MACROD2: variants seen among roughly 807,000 people sequenced by gnomAD.
MACROD2 encodes the protein ADP-ribose glycohydrolase MACROD2.
MACROD2 carries 36 observed loss-of-function variants against 70.4 expected under a neutral mutation model. That is an observed-to-expected ratio of 0.51 (90% confidence interval 0.39 to 0.68). MACROD2 has a LOEUF of 0.68. Ranked by LOEUF, MACROD2 falls within the 30% of genes least tolerant of loss-of-function variation. The pLI, the probability that MACROD2 is intolerant of heterozygous loss-of-function variation, is 0.00. For missense variants in MACROD2, 496 were observed against 538.4 expected (o/e 0.92, Z 0.78); for synonymous variants, 172 against 178.8 (o/e 0.96, Z 0.30).
At chr20:15,738,150 T>C (rs2051052442) in intron 8 of MACROD2, among the ~76,000 whole-genome samples, 1 of 152,200 alleles carries the variant, frequency 6.6e-6, no homozygotes, top group South Asian at 2.1e-4. Flanking sequence ...AGGGTGACTA[T>C]AGTCAATAAT....
rs1305831222 is a variant in MACROD2, at chr20:15,492,053, C to A, written c.572-7721C>A. On this transcript the variant is annotated intron_variant, in intron 7 of 17. Coordinates refer to ENST00000684519, the MANE Select transcript of MACROD2 (RefSeq NM_001351661.2). ...TGCTCCTGGGCGAAGCCAGTGACAC[C>A]TTTTTAGCATTCTGCTGCTGTGCTC... Among the ~76,000 whole-genome samples, 3 of 152,310 alleles carry A rather than the reference C, an allele frequency of 2.0e-5. No homozygotes were observed. The East Asian group carries it at 5.8e-4, about 29-fold the overall frequency.
intron 4 of MACROD2, among the ~76,000 whole-genome samples, chr20:14,516,712 G>A (rs1025199407): frequency 3.3e-5 from 5 of 152,068 alleles, no homozygotes; most frequent in Admixed American, 6.6e-5. Flanking sequence ...TGGCCTTGTA[G>A]TATAGTTTGA....
At chr20:14,105,923 A>C (rs1041344291) in intron 3 of MACROD2, among the ~76,000 whole-genome samples, 3 of 152,216 alleles carry the variant, frequency 2.0e-5, no homozygotes, top group African/African-American at 7.2e-5. Context: ...GGCAGGATTC[A>C]TCACCTGTTG....
intron 7 of MACROD2, among the ~76,000 whole-genome samples, chr20:15,477,201 AG>A (rs2047034765): frequency 6.6e-6 from 1 of 150,604 alleles, no homozygotes; most frequent in Non-Finnish European, 1.5e-5. Flanking sequence ...TCTGGGCTCA[AG>A]TGATCCTCCT....
At chr20:15,885,698 C>G in intron 9 of MACROD2, 66 bp from the exon 10 acceptor site, 1 of 1,357,502 alleles carries the variant, frequency 7.4e-7, no homozygotes, top group Non-Finnish European at 9.7e-7. Context: ...AATAATCCAT[C>G]TGGAACATTC....
chr20:14,059,935 G>A (rs1460354710), intron 2 of MACROD2, among the ~76,000 whole-genome samples: 33 of 152,178 alleles, frequency 2.2e-4, no homozygotes, highest in Admixed American at 2.2e-3. Context: ...AATAGACCCA[G>A]ACATGTGTAA....
intron 3 of MACROD2, among the ~76,000 whole-genome samples, chr20:14,465,999 A>T (rs2084442372): frequency 6.6e-6 from 1 of 151,930 alleles, no homozygotes; most frequent in Admixed American, 6.6e-5. Flanking sequence ...GGTGAATCTG[A>T]CAATTATGTG....
chr20:15,375,340 A>C (rs1568759090), intron 6 of MACROD2, among the ~76,000 whole-genome samples: 2 of 152,194 alleles, frequency 1.3e-5, no homozygotes, highest in Non-Finnish European at 2.9e-5. Flanking sequence ...ATTTGGAACA[A>C]CAAGGTGAAG....
chr20:14,838,757 AAG>A (rs1346613612), intron 5 of MACROD2, among the ~76,000 whole-genome samples: 1 of 152,074 alleles, frequency 6.6e-6, no homozygotes, highest in Admixed American at 6.5e-5. Flanking sequence ...TGTAAGATAA[AAG>A]AGAGAAACCA....
intron 8 of MACROD2, among the ~76,000 whole-genome samples, chr20:15,553,901 A>C (rs2048130796): frequency 1.3e-5 from 2 of 152,230 alleles, no homozygotes; most frequent in African/African-American, 4.8e-5. Context: ...TGGAGACTTC[A>C]TCTGAAGAGT....
chr20:14,636,028 A>C (rs1433810814), intron 4 of MACROD2, among the ~76,000 whole-genome samples: 1 of 152,116 alleles, frequency 6.6e-6, no homozygotes, highest in East Asian at 1.9e-4. Context: ...GCTTTACTGC[A>C]TTTATTAATT....
intron 5 of MACROD2, among the ~76,000 whole-genome samples, chr20:14,946,164 A>G (rs2122719848): frequency 6.6e-6 from 1 of 151,756 alleles, no homozygotes; most frequent in South Asian, 2.1e-4. Context: ...GTGCCATTGC[A>G]CTCCAGCCTG....
intron 3 of MACROD2, among the ~76,000 whole-genome samples, chr20:14,187,156 A>T (rs79519952): frequency 6.6e-6 from 1 of 151,682 alleles, no homozygotes; most frequent in South Asian, 2.1e-4. Flanking sequence ...AAAAAAAAAA[A>T]AGAAATGTGG....
intron 5 of MACROD2, among the ~76,000 whole-genome samples, chr20:15,166,511 A>G (rs565923385): frequency 9.9e-5 from 15 of 152,234 alleles, no homozygotes; most frequent in Admixed American, 4.6e-4. Flanking sequence ...TTTATAAGTC[A>G]CCAGTTTATG....
intron 2 of MACROD2, among the ~76,000 whole-genome samples, chr20:14,038,657 G>A (rs961090768): frequency 3.9e-5 from 6 of 152,054 alleles, no homozygotes; most frequent in South Asian, 2.1e-4. Flanking sequence ...GCATTATGTC[G>A]TTTTTGTGGT....
intron 5 of MACROD2, among the ~76,000 whole-genome samples, chr20:14,730,062 TA>T (rs1205730649): frequency 6.6e-6 from 1 of 152,054 alleles, no homozygotes; most frequent in Non-Finnish European, 1.5e-5. Flanking sequence ...CCTGGCAAAC[TA>T]GAAGATCTAA....
At chr20:15,895,895 G>T (rs1893079129) in intron 10 of MACROD2, among the ~76,000 whole-genome samples, 1 of 152,188 alleles carries the variant, frequency 6.6e-6, no homozygotes, top group African/African-American at 2.4e-5. Context: ...TTAAGTGATT[G>T]CTATCAGCTG....
intron 3 of MACROD2, among the ~76,000 whole-genome samples, chr20:14,290,591 C>G (rs537743288): frequency 8.2e-4 from 124 of 151,624 alleles, no homozygotes; most frequent in African/African-American, 2.8e-3. Context: ...CTCACCACAA[C>G]CTCTGCCTCC....
intron 4 of MACROD2, among the ~76,000 whole-genome samples, chr20:14,652,929 G>GTATAGCAATA (rs1189172813): frequency 3.3e-5 from 5 of 152,192 alleles, no homozygotes; most frequent in African/African-American, 1.2e-4. Context: ...CTGTGTTGCA[G>GTATAGCAATA]TATAGCAATA....
Sources: allele counts gnomAD v4.1 joint callset (sites outside exome capture counted in the v4.1 genomes callset), GRCh38; gene constraint gnomAD v4.1.1; transcripts MANE v1.5; gene names NCBI Gene and HGNC (gene_info 2026-07-23, HGNC 2026-07-21).